Variants in ATG4C observed in about 807,000 individuals in gnomAD.
The protein encoded by ATG4C is autophagy related 4C cysteine peptidase.
In ATG4C, 56 loss-of-function variants were observed where a neutral mutation model predicts 57.6. The ratio of observed to expected loss-of-function variants is 0.97; its 90% CI spans 0.78 to 1.21. The LOEUF (loss-of-function observed/expected upper bound fraction) is 1.21, where lower values mean the gene tolerates loss of function less well. Among genes scored for constraint, ATG4C ranks in the 50% most tolerant of loss-of-function variants. The pLI is 0.00. For missense variants in ATG4C, 595 were observed against 529.8 expected, an observed-to-expected ratio of 1.12 and a Z score of -1.21; for synonymous variants, 157 against 174.1, an observed-to-expected ratio of 0.90 and a Z score of 0.78.
intron 1 of ATG4C, among the ~76,000 whole-genome samples, chr1:62,791,390 G>C (rs1664269731): frequency 6.6e-6 from 1 of 152,178 alleles, no homozygotes; most frequent in South Asian, 2.1e-4. Context: ...ATGGGTCTTG[G>C]AAATGGTCTT....
chr1:62,838,910 A>G (rs1015452190), intron 9 of ATG4C, among the ~76,000 whole-genome samples: 3 of 152,212 alleles, frequency 2.0e-5, no homozygotes, highest in African/African-American at 7.2e-5. Context: ...TGAATATTTT[A>G]AAAGTTCTTT....
At chr1:62,860,787 T>C (rs555226556) in intron 10 of ATG4C, among the ~76,000 whole-genome samples, 1 of 152,310 alleles carries the variant, frequency 6.6e-6, no homozygotes, top group South Asian at 2.1e-4. Context: ...GAATATATGC[T>C]ACATAGATAT....
chr1:62,843,160 G>A (rs1458827736), intron 10 of ATG4C, among the ~76,000 whole-genome samples: 1 of 150,914 alleles, frequency 6.6e-6, no homozygotes, highest in Non-Finnish European at 1.5e-5. Context: ...AAAAAAAAAA[G>A]CAAAATTAAA....
chr1:62,817,547 A>G lies in ATG4C; in HGVS notation c.394+739A>G, dbSNP rs371203007. Among the ~76,000 whole-genome samples, 45 of 152,172 alleles carry G rather than the reference A, an allele frequency of 3.0e-4. 1 individual carries two copies. In the South Asian group the frequency reaches 8.3e-3, roughly 28 times the overall value. ...TTTTTTGTAGAGATGTGGTCTCACT[A>G]TGTTGCCCAGGCTAGTCTTGAACTC... On this transcript the variant is annotated intron_variant, in intron 4 of 10. Transcript: ENST00000317868.
chr1:62,835,196 A>AG (rs1472410643), intron 9 of ATG4C, among the ~76,000 whole-genome samples: 2 of 151,634 alleles, frequency 1.3e-5, no homozygotes, highest in African/African-American at 4.8e-5. Flanking sequence ...AAAAAAAAAA[A>AG]AAAGAAAAAT....
chr1:62,864,515 C>A lies in ATG4C; in HGVS notation c.*356C>A. ...AACCCTCCCCCAAAGACTGGGATCA[C>A]CAAATAGTTTCAAAATTCTCAGTTT... On this transcript the variant is annotated 3_prime_UTR_variant, in exon 11 of 11. Coordinates refer to ENST00000317868, the MANE Select transcript of ATG4C (RefSeq NM_032852.4). The A allele has an allele frequency of 5.6e-6, 1 of 178,758 alleles. No individual in the cohort carries two copies. Among genetic ancestry groups the A allele is most frequent in the South Asian group, 1.3e-4 (1 of 7,738 alleles). The allele number at this position is 178,758 out of a possible 1,614,324, so 11.1% of individuals were successfully genotyped here.
At chr1:62,818,492 C>A (rs1665358202) in intron 4 of ATG4C, among the ~76,000 whole-genome samples, 1 of 151,992 alleles carries the variant, frequency 6.6e-6, no homozygotes, top group African/African-American at 2.4e-5. Context: ...TGGGATTGTC[C>A]ATTTTTACCC....
rs151316696 is a variant in ATG4C, at chr1:62,864,269, T to A, written c.*110T>A. ...TTCACAAATATCTTAATTTTATATGTTCTTTAAAAAAGAACATTTGAAAAT... is the reference window on the plus strand; with the variant it reads ...TTCACAAATATCTTAATTTTATATGATCTTTAAAAAAGAACATTTGAAAAT... On this transcript the variant is annotated 3_prime_UTR_variant, in exon 11 of 11. Coordinates refer to ENST00000317868, the MANE Select transcript of ATG4C (RefSeq NM_032852.4). The A allele has an allele frequency of 1.1e-6, 1 of 902,016 alleles. No individual in the cohort carries two copies. The highest frequency in any genetic ancestry group is 3.0e-5 in the East Asian group (1 of 33,156). 55.9% of individuals were successfully genotyped at this position (902,016 alleles called of 1,614,324 possible). A position where few individuals can be genotyped will look rare whatever the true frequency, so the allele number is the denominator to read the frequency against.
intron 10 of ATG4C, among the ~76,000 whole-genome samples, chr1:62,851,011 C>T (rs1666507618): frequency 6.6e-6 from 1 of 150,468 alleles, no homozygotes; most frequent in Admixed American, 6.6e-5. Context: ...TTTTGTATCC[C>T]CAGTGCTTAG....
chr1:62,861,327 C>G (rs1032585828), intron 10 of ATG4C, among the ~76,000 whole-genome samples: 1 of 152,040 alleles, frequency 6.6e-6, no homozygotes, highest in African/African-American at 2.4e-5. Flanking sequence ...GGGCAGATCA[C>G]TTGAGTTCAG....
At chr1:62,798,878 C>T (rs1212028004) in intron 1 of ATG4C, among the ~76,000 whole-genome samples, 4 of 152,072 alleles carry the variant, frequency 2.6e-5, no homozygotes, top group Non-Finnish European at 5.9e-5. Context: ...CCCCTGACCT[C>T]GTGATCCACC....
chr1:62,803,656 C>T, intron 1 of ATG4C, 63 bp from the exon 2 acceptor site: 6 of 458,820 alleles, frequency 1.3e-5, no homozygotes, highest in Non-Finnish European at 2.3e-5. Context: ...GTAACTTTAA[C>T]AGGTATTGCT....
Position 62,816,822 on chromosome 1 carries a change from C to T in ATG4C, c.394+14C>T. On this transcript the variant is annotated intron_variant, in intron 4 of 10. Transcript: ENST00000317868. ...TTCTTGGTAGAGGTAAATCAAATTT[C>T]TGTTTTTGTTTTGTTTTGTTTTGTT... is the stretch of plus-strand genomic sequence containing the variant. 6.7e-7 allele frequency: 1 copy of T among 1,488,928 alleles called. No individual in the cohort carries two copies. The allele number at this position is 1,488,928 out of a possible 1,614,324, so 92.2% of individuals were successfully genotyped here.
At position 62,850,838 on chromosome 1, in the gene ATG4C, ATG is replaced by A. The variant is rs1419430262; in HGVS notation, c.1209+9299_1209+9300del. 1.3e-3 allele frequency among the ~76,000 whole-genome samples: 97 copies of A among 73,534 alleles called. 1 individual carries two copies. Among genetic ancestry groups the A allele is most frequent in the Non-Finnish European group, 1.8e-3 (68 of 37,662 alleles). The allele number at this position is 73,534 out of a possible 152,430, so 48.2% of individuals were successfully genotyped here. A position where few individuals can be genotyped will look rare whatever the true frequency, so the allele number is the denominator to read the frequency against. The stretch of plus-strand genomic sequence containing the variant: ...ATATATTCTGCTGTATCATGTATGT[ATG>A]TGTGTGTATGTATGTATATATATAT... On this transcript the variant is annotated intron_variant, in intron 10 of 10. Coordinates refer to ENST00000317868, the MANE Select transcript of ATG4C (RefSeq NM_032852.4).
intron 4 of ATG4C, among the ~76,000 whole-genome samples, chr1:62,817,075 G>A (rs1665303678): frequency 6.6e-6 from 1 of 152,092 alleles, no homozygotes; most frequent in Non-Finnish European, 1.5e-5. Flanking sequence ...TATGAGTTAA[G>A]TTAGTTCAAT....
intron 1 of ATG4C, among the ~76,000 whole-genome samples, chr1:62,790,337 T>C (rs1353077444): frequency 6.6e-6 from 1 of 152,230 alleles, no homozygotes; most frequent in Admixed American, 6.5e-5. Context: ...AAAGAGAGAA[T>C]TCTGATTCTC....
chr1:62,831,734 GAA>G (rs1389616920), intron 7 of ATG4C, among the ~76,000 whole-genome samples: 2 of 152,092 alleles, frequency 1.3e-5, no homozygotes, highest in South Asian at 2.1e-4. Context: ...TTTAGGAACT[GAA>G]AAGTGTTTCA....
chr1:62,809,456 C>T (rs1029291998), intron 3 of ATG4C, among the ~76,000 whole-genome samples: 1 of 146,178 alleles, frequency 6.8e-6, no homozygotes, highest in African/African-American at 2.5e-5. Flanking sequence ...TATATGTACA[C>T]ATGTATATAT....
intron 3 of ATG4C, among the ~76,000 whole-genome samples, chr1:62,807,124 CA>C (rs1221691988): frequency 6.6e-5 from 10 of 152,120 alleles, no homozygotes; most frequent in African/African-American, 2.4e-4. Context: ...AGGAGCACAT[CA>C]AAATAATAAC....
Sources: allele counts gnomAD v4.1 joint callset (sites outside exome capture counted in the v4.1 genomes callset), GRCh38; gene constraint gnomAD v4.1.1; transcripts MANE v1.5; gene names NCBI Gene and HGNC (gene_info 2026-07-23, HGNC 2026-07-21).